Variants in SEMA4F observed in about 807,000 individuals in gnomAD.
SEMA4F encodes the protein semaphorin-4F.
Under a neutral mutation model 78.4 loss-of-function variants are expected in SEMA4F, and 51 were observed. That is an observed-to-expected ratio of 0.65 (90% CI 0.52 to 0.82). The LOEUF is 0.82. SEMA4F is among the 40% of genes least tolerant of loss of function. The probability of loss-of-function intolerance (pLI) is 0.00; values close to 1 mark genes in which losing one functional copy is unlikely to be tolerated. For missense variants in SEMA4F, 938 were observed against 1,014.4 expected, an observed-to-expected ratio of 0.92 and a Z score of 1.02; for synonymous variants, 418 against 408.7, an observed-to-expected ratio of 1.02 and a Z score of -0.27.
chr2:74,706,838 T>C, the SEMA4F span, among the ~76,000 whole-genome samples: 1 of 151,258 alleles, frequency 6.6e-6, no homozygotes, highest in South Asian at 2.1e-4. Flanking sequence ...CACTTCTCAG[T>C]GAGTGAGCAT....
downstream of SEMA4F, among the ~76,000 whole-genome samples, chr2:74,684,315 T>G (rs1472044502): frequency 2.0e-5 from 3 of 152,162 alleles, no homozygotes; most frequent in African/African-American, 7.2e-5. Context: ...CTTATTCTAC[T>G]TTGGGTATTT....
In SEMA4F at chr2:74,679,348, G is replaced by A. The variant is rs1685455110; in HGVS notation, c.1702+14G>A. Reference sequence around the variant, plus strand: ...AAGAGCCTGGAGGTCTGTATGGTCTGTATGGATTAGGGAAATGTGGGTGGA... The same window carrying A: ...AAGAGCCTGGAGGTCTGTATGGTCTATATGGATTAGGGAAATGTGGGTGGA... On this transcript the variant is annotated intron_variant, in intron 13 of 13. Coordinates refer to ENST00000357877, the MANE Select transcript of SEMA4F (RefSeq NM_004263.5). 1.0e-5 allele frequency: 16 copies of A among 1,603,312 alleles called. No individual in the cohort carries two copies. The highest frequency in any genetic ancestry group is 1.3e-5 in the Non-Finnish European group (15 of 1,170,126).
rs1436671652 is a variant in SEMA4F at position 74,681,699 on chromosome 2, GACCACTCGC to G, written c.*1493_*1501del. 1 of 153,052 alleles carries G rather than the reference GACCACTCGC, an allele frequency of 6.5e-6. No homozygotes were observed. Among genetic ancestry groups the G allele is most frequent in the African/African-American group, 2.4e-5 (1 of 41,428 alleles). The allele number at this position is 153,052 out of a possible 1,614,324, so 9.5% of individuals were successfully genotyped here. On this transcript the variant is annotated 3_prime_UTR_variant, in exon 14 of 14. Transcript: ENST00000357877. ...CAAACGTCAAGACCTCTTCCTGCTT[GACCACTCGC>G]ACATGGCTCTAGGCTTCTCCTGCTG...
chr2:74,664,106 T>G (rs1684567376), intron 5 of SEMA4F, among the ~76,000 whole-genome samples: 1 of 152,222 alleles, frequency 6.6e-6, no homozygotes, highest in Admixed American at 6.5e-5. Flanking sequence ...TAGCCTGAAT[T>G]TTAGGTCAGA....
intron 12 of SEMA4F, among the ~76,000 whole-genome samples, chr2:74,677,005 G>A (rs1019111115): frequency 9.9e-5 from 15 of 152,164 alleles, no homozygotes; most frequent in Middle Eastern, 3.4e-3. Flanking sequence ...TTATTCAAGC[G>A]ATTCTCCTGC....
the SEMA4F span, among the ~76,000 whole-genome samples, chr2:74,708,831 T>TA: frequency 6.6e-6 from 1 of 152,034 alleles, no homozygotes; most frequent in African/African-American, 2.4e-5. Flanking sequence ...AAAACAAATT[T>TA]AAAAATAGAA....
chr2:74,683,879 C>T (rs1685745688), downstream of SEMA4F: 1 of 152,080 alleles, frequency 6.6e-6, no homozygotes, highest in Non-Finnish European at 1.5e-5. Flanking sequence ...AAAATTCCTG[C>T]CCACTATACT....
the SEMA4F span, among the ~76,000 whole-genome samples, chr2:74,699,998 A>G: frequency 2.0e-5 from 3 of 152,122 alleles, no homozygotes; most frequent in Non-Finnish European, 4.4e-5. Context: ...GCTTGTTTCA[A>G]TGCTAATGGA....
In SEMA4F at chr2:74,654,348, G is replaced by A. The variant is rs1185083084; in HGVS notation, c.-29G>A. 1 of 1,456,630 alleles carries A rather than the reference G, an allele frequency of 6.9e-7. No homozygotes were observed. The highest frequency in any genetic ancestry group is 2.5e-5 in the Admixed American group (1 of 40,300). 90.2% of individuals were successfully genotyped at this position (1,456,630 alleles called of 1,614,324 possible). Reference sequence around the variant, plus strand: ...GCCCTGAGCAGAGGCCGTAGCTTGCGCCGCACCCGCGGCCAGGCGGAGCCA... The same window carrying A: ...GCCCTGAGCAGAGGCCGTAGCTTGCACCGCACCCGCGGCCAGGCGGAGCCA... On this transcript the variant is annotated 5_prime_UTR_variant, in exon 1 of 14. Coordinates refer to ENST00000357877, the MANE Select transcript of SEMA4F (RefSeq NM_004263.5).
rs776067418 is a variant in SEMA4F, at chr2:74,673,493, T to G, written c.587T>G (p.Leu196Arg). The G allele has an allele frequency of 6.2e-7, 1 of 1,614,130 alleles. No homozygotes were observed. Among genetic ancestry groups the G allele is most frequent in the Non-Finnish European group, 8.5e-7 (1 of 1,180,020 alleles). Reference sequence around the variant, plus strand: ...TATGCTGCCACTGTGAAAAACTACCTGGGGACGGAGCCAATTATCACCAGA... The same window carrying G: ...TATGCTGCCACTGTGAAAAACTACCGGGGGACGGAGCCAATTATCACCAGA... ...VLYAATVKNY[L>R]GTEPIITRAV... Residue 196 changes from leucine to arginine, a missense_variant, in exon 6 of 14, where the codon CTG becomes CGG. By Grantham distance (102) the Leu-to-Arg change is moderately radical. Transcript: ENST00000357877.
intron 5 of SEMA4F, 85 bp from the exon 6 acceptor site, chr2:74,673,372 T>A: frequency 6.5e-7 from 1 of 1,549,902 alleles, no homozygotes; most frequent in Non-Finnish European, 8.8e-7. Flanking sequence ...GTCGCTGCCC[T>A]GCTTTATGCC....
the SEMA4F span, among the ~76,000 whole-genome samples, chr2:74,707,214 T>C: frequency 6.6e-6 from 1 of 152,224 alleles, no homozygotes; most frequent in Non-Finnish European, 1.5e-5. Context: ...TCCAAATTTG[T>C]TAATTATACT....
rs780057017 is a variant in SEMA4F at position 74,680,006 on chromosome 2, G to C, written c.2110G>C (p.Ala704Pro). Residue 704 changes from alanine (A) to proline (P), a missense_variant, in exon 14 of 14, where the codon GCT becomes CCT. By Grantham distance (27) the Ala-to-Pro change is conservative. Transcript: ENST00000357877. ...ARDKVGLDLG[A>P]PPSGTTSYSQ... ...AGACAAGGTGGGCCTGGACCTGGGG[G>C]CTCCACCTTCTGGGACCACAAGCTA... 1.2e-6 allele frequency: 2 copies of C among 1,614,034 alleles called. No individual in the cohort carries two copies. The highest frequency in any genetic ancestry group is 1.7e-6 in the Non-Finnish European group (2 of 1,180,034).
chr2:74,699,620 G>A, the SEMA4F span, among the ~76,000 whole-genome samples: 316 of 152,318 alleles, frequency 2.1e-3, 2 homozygotes, highest in Non-Finnish European at 3.4e-3. Context: ...GAAACTGTAA[G>A]ATTAAGAGAG....
chr2:74,696,120 TA>T, the SEMA4F span, among the ~76,000 whole-genome samples: 1 of 151,964 alleles, frequency 6.6e-6, no homozygotes, highest in Non-Finnish European at 1.5e-5. Flanking sequence ...TTTGCAAAGT[TA>T]AAATATTCAT....
At chr2:74,687,378 C>T (rs1685845278), downstream of SEMA4F, among the ~76,000 whole-genome samples, 1 of 152,240 alleles carries the variant, frequency 6.6e-6, no homozygotes, top group Admixed American at 6.5e-5. Flanking sequence ...TTTTAATTCT[C>T]AGCATAGCAT....
rs192767799 is a variant in SEMA4F at position 74,657,819 on chromosome 2, C to T, written c.358-34C>T. The T allele has an allele frequency of 1.6e-3, 2,480 of 1,591,688 alleles. 17 individuals carry two copies. Among genetic ancestry groups the T allele is most frequent in the Middle Eastern group, 4.7e-3 (28 of 6,020 alleles). On this transcript the variant is annotated intron_variant, in intron 3 of 13. Transcript: ENST00000357877. ...ACCTTACCCTTCCTCGTACCTGCTG[C>T]TTCTGATTCTTTCTAACCGTCTCTG...
At chr2:74,678,252 G>T (rs966351253) in intron 12 of SEMA4F, among the ~76,000 whole-genome samples, 2 of 152,150 alleles carry the variant, frequency 1.3e-5, no homozygotes, top group African/African-American at 2.4e-5. Flanking sequence ...TGAGTGGAGG[G>T]GGGTGGTGGG....
In SEMA4F at chr2:74,682,376, A is replaced by G. The variant is rs1463569271; in HGVS notation, c.*2167A>G. Reference sequence around the variant, plus strand: ...GTTTGCAGTGAGCCAAGATCACGCCACTGCACTCCAGCCTGGGCAACAGAG... The same window carrying G: ...GTTTGCAGTGAGCCAAGATCACGCCGCTGCACTCCAGCCTGGGCAACAGAG... On this transcript the variant is annotated 3_prime_UTR_variant, in exon 14 of 14. Coordinates refer to ENST00000357877, the MANE Select transcript of SEMA4F (RefSeq NM_004263.5). 1 of 151,712 alleles carries G rather than the reference A, an allele frequency of 6.6e-6. No homozygotes were observed. Among genetic ancestry groups the G allele is most frequent in the African/African-American group, 2.4e-5 (1 of 41,098 alleles). 9.4% of individuals were successfully genotyped at this position (151,712 alleles called of 1,614,324 possible). A position where few individuals can be genotyped will look rare whatever the true frequency, so the allele number is the denominator to read the frequency against.
Sources: allele counts gnomAD v4.1 joint callset (sites outside exome capture counted in the v4.1 genomes callset), GRCh38; gene constraint gnomAD v4.1.1; transcripts MANE v1.5; gene names NCBI Gene and HGNC (gene_info 2026-07-23, HGNC 2026-07-21).